The following DNMBP variants were observed in gnomAD, a reference collection of about 807,000 sequenced individuals.
DNMBP encodes the protein dynamin-binding protein.
DNMBP carries 87 observed loss-of-function variants against 150.0 expected under a neutral mutation model. That is an observed-to-expected ratio of 0.58 (90% CI 0.49 to 0.69). The LOEUF is 0.69. Ranked by LOEUF, DNMBP falls within the 30% of genes least tolerant of loss-of-function variation. The pLI is 0.00. For synonymous variants in DNMBP, 711 were observed against 750.4 expected, an observed-to-expected ratio of 0.95 and a Z score of 0.86; for missense variants, 1,774 against 1,949.0, an observed-to-expected ratio of 0.91 and a Z score of 1.69.
At chr10:99,901,617 C>T (rs563018073) in intron 6 of DNMBP, among the ~76,000 whole-genome samples, 18 of 152,232 alleles carry the variant, frequency 1.2e-4, no homozygotes, top group Admixed American at 1.0e-3. Flanking sequence ...GTGGCCTGAA[C>T]GTGCGGGTCC....
chr10:99,910,368 T>C (rs6584333), intron 4 of DNMBP, among the ~76,000 whole-genome samples: 67,931 of 151,980 alleles, frequency 0.45, 15,398 homozygotes, highest in African/African-American at 0.47. Context: ...ATGGCAAGCT[T>C]CCATCTCTAC....
intron 1 of DNMBP, among the ~76,000 whole-genome samples, chr10:99,989,991 C>G (rs1323137951): frequency 6.6e-6 from 1 of 152,188 alleles, no homozygotes; most frequent in Admixed American, 6.5e-5. Context: ...CTATTTTATT[C>G]ACTGATGTCA....
At chr10:99,930,295 G>A in intron 4 of DNMBP, 1 of 702,998 alleles carries the variant, frequency 1.4e-6, no homozygotes, top group Non-Finnish European at 2.6e-6. Context: ...TCAGTCAACT[G>A]TTCAGCTTTT....
intron 6 of DNMBP, among the ~76,000 whole-genome samples, chr10:99,903,157 G>C (rs1452376310): frequency 6.7e-6 from 1 of 148,844 alleles, no homozygotes; most frequent in Non-Finnish European, 1.5e-5. Flanking sequence ...CCCAGGCTGG[G>C]CTTGAACTCC....
intron 2 of DNMBP, among the ~76,000 whole-genome samples, chr10:99,971,292 T>C (rs2040674291): frequency 6.8e-6 from 1 of 146,856 alleles, no homozygotes; most frequent in Admixed American, 6.9e-5. Flanking sequence ...GGGCTTCCCA[T>C]TTAGCTAGCT....
chr10:99,887,125 G>C (rs1026410186), intron 12 of DNMBP, among the ~76,000 whole-genome samples: 3 of 148,060 alleles, frequency 2.0e-5, no homozygotes, highest in Non-Finnish European at 4.4e-5. Flanking sequence ...GTCTTGCTCT[G>C]TCACCCAGGC....
Position 99,886,714 on chromosome 10 carries a change from T to C in DNMBP, c.3286-82A>G, listed in dbSNP as rs1292531367. On this transcript the variant is annotated intron_variant, in intron 12 of 16. Coordinates refer to ENST00000324109, the MANE Select transcript of DNMBP (RefSeq NM_015221.4). ...ATCCAAGTCACTCTTAAGGCTGACT[T>C]TGTTGTGTCCTGAACCACCTACTTC... 6.5e-6 allele frequency: 9 copies of C among 1,374,900 alleles called. No individual in the cohort carries two copies. The Admixed American group carries it at 9.9e-5, about 15-fold the overall frequency. The allele number at this position is 1,374,900 out of a possible 1,614,324, so 85.2% of individuals were successfully genotyped here. A position where few individuals can be genotyped will look rare whatever the true frequency, so the allele number is the denominator to read the frequency against.
At chr10:99,992,065 C>T (rs2040900494) in intron 1 of DNMBP, among the ~76,000 whole-genome samples, 1 of 151,882 alleles carries the variant, frequency 6.6e-6, no homozygotes, top group Non-Finnish European at 1.5e-5. Context: ...AGTGAGACCC[C>T]ATCTCTAAAA....
At chr10:99,987,201 A>G (rs2040837582) in intron 1 of DNMBP, among the ~76,000 whole-genome samples, 1 of 150,664 alleles carries the variant, frequency 6.6e-6, no homozygotes, top group African/African-American at 2.4e-5. Context: ...GGGCACTAAC[A>G]TGACATGTAA....
At chr10:99,985,114 G>A (rs2040816319) in intron 1 of DNMBP, among the ~76,000 whole-genome samples, 1 of 152,114 alleles carries the variant, frequency 6.6e-6, no homozygotes, top group South Asian at 2.1e-4. Flanking sequence ...TTAGAAAACT[G>A]AAGATTCTGA....
chr10:99,957,026 C>G lies in DNMBP; in HGVS notation c.448G>C (p.Ala150Pro). Residue 150 changes from alanine (A) to proline (P), a missense_variant, in exon 4 of 17, where the codon GCC (alanine) becomes CCC (proline). Around this residue, in one of 2 missense-constraint regions of DNMBP, gnomAD observed 344 missense variants for 456.6 expected, o/e 0.75. Coordinates refer to ENST00000324109, the MANE Select transcript of DNMBP (RefSeq NM_015221.4). ...GCAGAAAGCCCCATTAGGGCCCGGG[C>G]TTGTCCCATGGAATATTCCGGAATC... Reference protein sequence around the residue: ...FQIPEYSMGQARALMGLSAQL... With the variant: ...FQIPEYSMGQPRALMGLSAQL... The G allele has an allele frequency of 2.5e-6, 4 of 1,614,206 alleles. No individual in the cohort carries two copies. The highest frequency in any genetic ancestry group is 2.5e-6 in the Non-Finnish European group (3 of 1,180,040).
chr10:99,895,123 T>A (rs1237750146), intron 10 of DNMBP, 73 bp from the exon 11 acceptor site: 4 of 197,556 alleles, frequency 2.0e-5, no homozygotes, highest in Non-Finnish European at 3.5e-5. Context: ...AGTAGCTTGC[T>A]TTTTTTTTTT....
chr10:99,913,804 T>C (rs1393630614), intron 4 of DNMBP: 1 of 770,700 alleles, frequency 1.3e-6, no homozygotes, highest in Non-Finnish European at 1.8e-6. Flanking sequence ...AGCAGAGCCA[T>C]GCGCCCTTCC....
intron 13 of DNMBP, 54 bp from the exon 14 acceptor site, chr10:99,885,920 A>T: frequency 6.8e-7 from 1 of 1,464,870 alleles, no homozygotes; most frequent in Non-Finnish European, 9.2e-7. Context: ...ACGATAAAAG[A>T]TCCCAGAGAA....
chr10:99,890,429 C>T (rs1434031685), intron 11 of DNMBP, among the ~76,000 whole-genome samples: 1 of 152,198 alleles, frequency 6.6e-6, no homozygotes, highest in East Asian at 1.9e-4. Context: ...ATACTTCCAT[C>T]AGATGGTTTT....
intron 4 of DNMBP, chr10:99,929,925 C>T (rs760370444): frequency 7.4e-5 from 52 of 702,762 alleles, no homozygotes; most frequent in East Asian, 1.3e-4. Flanking sequence ...TCTGGAATTA[C>T]GAGATTTATA....
Position 99,972,917 on chromosome 10 carries a change from G to A in DNMBP, c.-10-783C>T, listed in dbSNP as rs149828990. Among the ~76,000 whole-genome samples the A allele has an allele frequency of 5.4e-3, 816 of 152,300 alleles. 8 individuals carry two copies. Among genetic ancestry groups the A allele is most frequent in the African/African-American group, 0.019 (779 of 41,564 alleles). On this transcript the variant is annotated intron_variant, in intron 1 of 16. Transcript: ENST00000324109. ...AAGGCTCAGCCTCCCAAGTAGGTAGGACTACAGGCATGCACCACCATGCCC... is the reference window on the plus strand; with the variant it reads ...AAGGCTCAGCCTCCCAAGTAGGTAGAACTACAGGCATGCACCACCATGCCC...
chr10:99,934,074 A>G (rs1315017712), intron 4 of DNMBP, among the ~76,000 whole-genome samples: 4 of 152,166 alleles, frequency 2.6e-5, no homozygotes, highest in Non-Finnish European at 4.4e-5. Flanking sequence ...ACCAAGGGAT[A>G]GGGAATCATA....
rs781626483 is a variant in DNMBP at position 99,908,103 on chromosome 10, A to T, written c.2455-9T>A. 5.0e-6 allele frequency: 8 copies of T among 1,591,906 alleles called. No homozygotes were observed. The South Asian group carries it at 8.8e-5, about 18-fold the overall frequency. ...AAATCAATGTTTGGTACCTGAGAAAAGGAAACAAAACATAAAAATGCACGG... is the reference window on the plus strand; with the variant it reads ...AAATCAATGTTTGGTACCTGAGAAATGGAAACAAAACATAAAAATGCACGG... On this transcript the variant is annotated splice_polypyrimidine_tract_variant and intron_variant, in intron 5 of 16. Transcript: ENST00000324109.
Sources: gnomAD v4.1 joint callset for allele counts (sites outside exome capture counted in the v4.1 genomes callset) on GRCh38, gnomAD v4.1.1 for gene constraint, gnomAD v4.1.1 regional missense constraint, MANE v1.5 for transcripts, NCBI Gene and HGNC (gene_info 2026-07-23, HGNC 2026-07-21) for gene names.